Variants in FAM193A observed in about 807,000 individuals in gnomAD.
FAM193A encodes the protein family with sequence similarity 193 member A.
A neutral mutation model predicts 126.5 loss-of-function variants in FAM193A; 22 were observed. That is an observed-to-expected ratio of 0.17 (90% CI 0.12 to 0.25). The LOEUF (loss-of-function observed/expected upper bound fraction) is 0.25. Ranked by LOEUF, FAM193A falls within the 10% of genes least tolerant of loss-of-function variation. The probability of loss-of-function intolerance (pLI) is 1.00; values close to 1 mark genes in which losing one functional copy is unlikely to be tolerated. For synonymous variants in FAM193A, 761 were observed against 646.8 expected (o/e 1.18, Z -2.68); for missense variants, 1,675 against 1,672.8 (o/e 1.00, Z -0.02).
At chr4:2,694,252 A>G (rs564771900) in intron 16 of FAM193A, among the ~76,000 whole-genome samples, 63 of 152,226 alleles carry the variant, frequency 4.1e-4, no homozygotes, top group Non-Finnish European at 8.5e-4. Context: ...CAAACACTCA[A>G]CAGGTGTGTT....
Position 2,731,878 on chromosome 4 carries a change from C to T in FAM193A, c.*10C>T, listed in dbSNP as rs758072257. Reference sequence around the variant, plus strand: ...CTTTGCTGCCCACTGAATGAGGACTCCCTGGAGAGGGACACGCGAGAGGCA... The same window carrying T: ...CTTTGCTGCCCACTGAATGAGGACTTCCTGGAGAGGGACACGCGAGAGGCA... On this transcript the variant is annotated 3_prime_UTR_variant, in exon 21 of 21. Transcript: ENST00000637812. 3 of 1,602,678 alleles carry T rather than the reference C, an allele frequency of 1.9e-6. No individual in the cohort carries two copies. The African/African-American group carries it at 4.0e-5, about 21-fold the overall frequency.
intron 10 of FAM193A, 62 bp downstream of exon 10, chr4:2,660,116 A>G (rs566085187): frequency 2.0e-6 from 3 of 1,538,306 alleles, no homozygotes; most frequent in African/African-American, 1.4e-5. Flanking sequence ...TGAGAAATAC[A>G]TACAGTAATG....
In FAM193A at chr4:2,699,732, A is replaced by G; in HGVS notation, c.3560A>G (p.His1187Arg). 1 of 1,613,682 alleles carries G rather than the reference A, an allele frequency of 6.2e-7. No homozygotes were observed. Among genetic ancestry groups the G allele is most frequent in the Non-Finnish European group, 8.5e-7 (1 of 1,179,830 alleles). The part of the protein sequence containing the change: ...EAEARAREHL[H>R]LQEEQRRREE... ...GAGGCCAGGGCCCGGGAGCACCTGC[A>G]CCTCCAGGAGGAGCAGAGGCGGCGG... The change falls in exon 19 of 21, where the codon CAC (histidine) becomes CGC (arginine). Residue 1187 changes from histidine to arginine, a missense_variant. Coordinates refer to ENST00000637812, the MANE Select transcript of FAM193A (RefSeq NM_001366318.2).
At chr4:2,662,792 T>A (rs1268297451) in intron 10 of FAM193A, 46 bp from the exon 11 acceptor site, 2 of 1,522,434 alleles carry the variant, frequency 1.3e-6, no homozygotes, top group Admixed American at 1.7e-5. Flanking sequence ...ACTCATTGTC[T>A]TTCACAATTG....
In FAM193A at chr4:2,631,066, T is replaced by A. The variant is rs1743523008; in HGVS notation, c.935T>A (p.Leu312Gln). Residue 312 changes from leucine (L) to glutamine (Q), a missense_variant, in exon 5 of 21, where the codon CTG becomes CAG. Around this residue, in one of 4 missense-constraint regions of FAM193A, gnomAD observed 1,186 missense variants for 1,109.2 expected, o/e 1.07. Transcript: ENST00000637812. ...AAAKVKAPSGLQGPPQAHQFI... is the reference protein window; with the variant it reads ...AAAKVKAPSGQQGPPQAHQFI... ...GCCAAGGTGAAGGCACCATCTGGCC[T>A]GCAGGGCCCGCCGCAAGCGCACCAG... 6.2e-7 allele frequency: 1 copy of A among 1,613,372 alleles called. No individual in the cohort carries two copies. The highest frequency in any genetic ancestry group is 1.3e-5 in the African/African-American group (1 of 74,948).
chr4:2,700,248 A>G lies in FAM193A; in HGVS notation c.4076A>G (p.Lys1359Arg), dbSNP rs749398834. ...GCGAGGAGGCCCACAGAGCCCCCCAAGGCCACAGAGGGGCAGTCCAAGCCC... is the reference window on the plus strand; with the variant it reads ...GCGAGGAGGCCCACAGAGCCCCCCAGGGCCACAGAGGGGCAGTCCAAGCCC... ...EPARRPTEPP[K>R]ATEGQSKPRA... Residue 1359 changes from lysine (K) to arginine (R), a missense_variant, in exon 19 of 21, where the codon AAG becomes AGG. This residue lies in a region of FAM193A where 415 missense variants were observed against 396.7 expected (regional missense o/e 1.05). Coordinates refer to ENST00000637812, the MANE Select transcript of FAM193A (RefSeq NM_001366318.2). The G allele has an allele frequency of 1.2e-6, 2 of 1,614,090 alleles. No homozygotes were observed. The highest frequency in any genetic ancestry group is 2.2e-5 in the South Asian group (2 of 91,076).
intron 15 of FAM193A, among the ~76,000 whole-genome samples, chr4:2,692,527 A>G (rs980634491): frequency 6.6e-6 from 1 of 152,208 alleles, no homozygotes; most frequent in African/African-American, 2.4e-5. Context: ...ACCACCATGA[A>G]ACAGAGAGAC....
At chr4:2,606,342 A>G (rs80280170) in intron 2 of FAM193A, among the ~76,000 whole-genome samples, 1,563 of 152,266 alleles carry the variant, frequency 0.01, 32 homozygotes, top group African/African-American at 0.035. Context: ...GAGCCACCGC[A>G]TCCGGCCTAA....
Position 2,676,678 on chromosome 4 carries a change from C to A in FAM193A, c.2331+4306C>A, listed in dbSNP as rs530756079. 4.6e-5 allele frequency among the ~76,000 whole-genome samples: 7 copies of A among 152,306 alleles called. No homozygotes were observed. In the East Asian group the frequency reaches 1.3e-3, roughly 29 times the overall value. ...AATTTTTCAGCCAGGCACGGTGGCT[C>A]ACGCCTGTAATTCCAGCACTTTGGA... On this transcript the variant is annotated intron_variant, in intron 13 of 20. Transcript: ENST00000637812.
At chr4:2,599,647 C>T (rs1260462954) in intron 2 of FAM193A, among the ~76,000 whole-genome samples, 3 of 152,152 alleles carry the variant, frequency 2.0e-5, no homozygotes, top group Non-Finnish European at 2.9e-5. Flanking sequence ...TAGACATAGT[C>T]GTGCCTGGAA....
At chr4:2,535,381 G>C (rs1210690089), upstream of FAM193A, among the ~76,000 whole-genome samples, 1 of 152,206 alleles carries the variant, frequency 6.6e-6, no homozygotes, top group African/African-American at 2.4e-5. Flanking sequence ...GCGGGTTGCG[G>C]GGACCCAGGA....
chr4:2,693,048 T>C (rs964819194), intron 15 of FAM193A, among the ~76,000 whole-genome samples: 1 of 149,518 alleles, frequency 6.7e-6, no homozygotes, highest in Non-Finnish European at 1.5e-5. Flanking sequence ...TAGAAAAAGG[T>C]GATTTTTTTT....
rs1228306387 is a variant in FAM193A, at chr4:2,639,727, T to C, written c.1039-8T>C. 1 of 1,607,082 alleles carries C rather than the reference T, an allele frequency of 6.2e-7. No homozygotes were observed. The highest frequency in any genetic ancestry group is 1.7e-5 in the Admixed American group (1 of 58,372). On this transcript the variant is annotated splice_polypyrimidine_tract_variant and splice_region_variant and intron_variant, in intron 5 of 20. Transcript: ENST00000637812. The stretch of plus-strand genomic sequence containing the variant: ...TCTTCTGTTTATCTTTTACTTTTTC[T>C]TAACCAGGAAAATGAACACTTGAAA...
In FAM193A at chr4:2,695,096, C is replaced by T. The variant is rs1716884050; in HGVS notation, c.3243C>T (p.Asp1081=). 4 of 1,603,812 alleles carry T rather than the reference C, an allele frequency of 2.5e-6. No homozygotes were observed. Among genetic ancestry groups the T allele is most frequent in the Admixed American group, 3.4e-5 (2 of 58,336 alleles). Residue 1081 remains aspartate (D), a synonymous_variant, in exon 17 of 21, where the codon GAC becomes GAT. Transcript: ENST00000637812. ...ACCAGAAGGAGGGCAAGTACTGCGA[C>T]TGCTGCTACTGCGAATTCTTTGGGC... The part of the protein sequence containing the change: ...STNQKEGKYC[D]CCYCEFFGHG...
At chr4:2,650,120 T>C (rs1423073895) in intron 7 of FAM193A, among the ~76,000 whole-genome samples, 2 of 151,986 alleles carry the variant, frequency 1.3e-5, no homozygotes, top group African/African-American at 2.4e-5. Context: ...TTGTGGTGAG[T>C]TGTATAATTA....
intron 1 of FAM193A, among the ~76,000 whole-genome samples, chr4:2,591,719 CAA>C (rs1183093970): frequency 6.6e-6 from 1 of 151,986 alleles, no homozygotes; most frequent in African/African-American, 2.4e-5. Context: ...ATTTTGGAAA[CAA>C]ATTTCAAAAC....
intron 1 of FAM193A, among the ~76,000 whole-genome samples, chr4:2,539,827 C>G (rs1202206990): frequency 2.0e-5 from 3 of 151,992 alleles, no homozygotes; most frequent in Non-Finnish European, 4.4e-5. Context: ...GGCCGGGCAC[C>G]GTGGCTCATG....
intron 9 of FAM193A, 33 bp from the exon 10 acceptor site, chr4:2,659,779 T>C (rs2109104199): frequency 6.2e-7 from 1 of 1,614,042 alleles, no homozygotes; most frequent in Non-Finnish European, 8.5e-7. Flanking sequence ...TGTGCATTGG[T>C]TGGCTTGGTA....
intron 1 of FAM193A, among the ~76,000 whole-genome samples, chr4:2,548,141 G>A (rs1000480963): frequency 4.2e-4 from 63 of 149,044 alleles, no homozygotes; most frequent in African/African-American, 1.5e-3. Flanking sequence ...GCACGATCTC[G>A]GCTCACTGCT....
Sources: gnomAD v4.1 joint callset for allele counts (sites outside exome capture counted in the v4.1 genomes callset) on GRCh38, gnomAD v4.1.1 for gene constraint, gnomAD v4.1.1 regional missense constraint, MANE v1.5 for transcripts, NCBI Gene and HGNC (gene_info 2026-07-23, HGNC 2026-07-21) for gene names.